STXBP4: variants seen among roughly 807,000 people sequenced by gnomAD.
The protein encoded by STXBP4 is syntaxin-binding protein 4.
In STXBP4, 55 loss-of-function variants were observed where a neutral mutation model predicts 76.1. That is an observed-to-expected ratio of 0.72 (90% confidence interval 0.58 to 0.91). STXBP4 has a LOEUF of 0.91. Ranked by LOEUF, STXBP4 falls within the 40% of genes least tolerant of loss-of-function variation. The pLI, the probability that STXBP4 is intolerant of heterozygous loss-of-function variation, is 0.00. For synonymous variants in STXBP4, 201 were observed against 220.2 expected (o/e 0.91, Z 0.77); for missense variants, 618 against 636.9 (o/e 0.97, Z 0.32).
chr17:54,974,541 T>C (rs930263452), intron 1 of STXBP4, among the ~76,000 whole-genome samples: 3 of 152,240 alleles, frequency 2.0e-5, no homozygotes, highest in African/African-American at 7.2e-5. Context: ...TTAATTCAAG[T>C]AATGTTTATC....
chr17:55,050,912 C>T (rs2078851006), intron 12 of STXBP4, among the ~76,000 whole-genome samples: 1 of 152,142 alleles, frequency 6.6e-6, no homozygotes. Flanking sequence ...AGGTGATCTG[C>T]CTGCCTCAGC....
chr17:55,179,890 C>T, the STXBP4 span, among the ~76,000 whole-genome samples: 25 of 152,052 alleles, frequency 1.6e-4, no homozygotes, highest in Non-Finnish European at 3.1e-4. Flanking sequence ...AGCAGTGTGG[C>T]GAGATTGGCA....
rs1031800116 is a variant in STXBP4 at position 55,159,920 on chromosome 17, C to T, written c.*9C>T. 1.3e-6 allele frequency: 2 copies of T among 1,559,384 alleles called. No homozygotes were observed. The highest frequency in any genetic ancestry group is 2.7e-5 in the African/African-American group (2 of 73,842). ...CCAACCAGAAAAGTTGATGGTTTTC[C>T]TTAGGAAGTGGAGCTACATGGATGA... On this transcript the variant is annotated 3_prime_UTR_variant, in exon 18 of 18. Coordinates refer to ENST00000376352, the MANE Select transcript of STXBP4 (RefSeq NM_178509.6).
At chr17:55,208,819 C>A in the STXBP4 span, among the ~76,000 whole-genome samples, 1 of 152,014 alleles carries the variant, frequency 6.6e-6, no homozygotes, top group Admixed American at 6.6e-5. Context: ...CGGTGACTTA[C>A]GCCTGTAATT....
At chr17:55,091,615 A>G (rs1432657952) in intron 16 of STXBP4, among the ~76,000 whole-genome samples, 7 of 151,768 alleles carry the variant, frequency 4.6e-5, no homozygotes, top group Non-Finnish European at 8.8e-5. Flanking sequence ...AAAACAAAAC[A>G]CCCTCCCAGC....
At position 54,999,348 on chromosome 17, in the gene STXBP4, G is replaced by A. The variant is rs748413913; in HGVS notation, c.184G>A (p.Gly62Ser). ...TAAATGTTACTGTTTTTGTTAGGAT[G>A]GTCGTTTGAAGCCAGGAGATCAACT... The part of the protein sequence containing the change: ...IIPGGDCYKD[G>S]RLKPGDQLVS... The change falls in exon 5 of 18, where the codon GGT becomes AGT. Residue 62 changes from glycine to serine, a missense_variant. Physicochemically the swap from Gly to Ser is moderately conservative, Grantham distance 56 (BLOSUM62 0). Transcript: ENST00000376352. 1 of 1,606,718 alleles carries A rather than the reference G, an allele frequency of 6.2e-7. No homozygotes were observed. The highest frequency in any genetic ancestry group is 2.2e-5 in the East Asian group (1 of 44,686).
intron 8 of STXBP4, among the ~76,000 whole-genome samples, chr17:55,022,908 C>A (rs529619851): frequency 1.3e-5 from 2 of 152,184 alleles, no homozygotes; most frequent in East Asian, 3.9e-4. Context: ...ATTCTGAGTT[C>A]AGTAAAAAGC....
chr17:55,185,727 C>T, the STXBP4 span, among the ~76,000 whole-genome samples: 2 of 152,170 alleles, frequency 1.3e-5, no homozygotes, highest in South Asian at 4.1e-4. Context: ...AAAGCACTTA[C>T]TGTGTGTGCC....
At chr17:55,052,143 G>T (rs544654279) in intron 12 of STXBP4, among the ~76,000 whole-genome samples, 1 of 152,090 alleles carries the variant, frequency 6.6e-6, no homozygotes, top group Non-Finnish European at 1.5e-5. Flanking sequence ...TAAGTGTCCA[G>T]ATACCACTCC....
chr17:55,155,501 A>G (rs1055888230), intron 17 of STXBP4, among the ~76,000 whole-genome samples: 3 of 141,854 alleles, frequency 2.1e-5, no homozygotes, highest in African/African-American at 7.9e-5. Context: ...CTATATGCAT[A>G]CAATTATCAC....
chr17:54,991,913 T>TC (rs1431935041), intron 4 of STXBP4: 2 of 151,984 alleles, frequency 1.3e-5, no homozygotes, highest in African/African-American at 4.8e-5. Flanking sequence ...AAATAAACAG[T>TC]CCTACTACTT....
chr17:55,079,718 A>C (rs1434476600), intron 15 of STXBP4, among the ~76,000 whole-genome samples: 1 of 152,096 alleles, frequency 6.6e-6, no homozygotes, highest in African/African-American at 2.4e-5. Context: ...TTGAGGCTGC[A>C]ATGAGCTGTG....
At chr17:55,059,018 A>G (rs184529459) in intron 12 of STXBP4, among the ~76,000 whole-genome samples, 84 of 152,188 alleles carry the variant, frequency 5.5e-4, no homozygotes, top group Admixed American at 1.2e-3. Flanking sequence ...TTGCAATTGC[A>G]TTGTTCCAGT....
intron 13 of STXBP4, among the ~76,000 whole-genome samples, chr17:55,075,135 A>G (rs2079165678): frequency 6.6e-6 from 1 of 152,018 alleles, no homozygotes; most frequent in African/African-American, 2.4e-5. Context: ...TTTCTCTCCA[A>G]TTGCATCTCC....
At chr17:55,080,866 C>T (rs541890327) in intron 15 of STXBP4, among the ~76,000 whole-genome samples, 184 bp from the exon 16 acceptor site, 42 of 152,064 alleles carry the variant, frequency 2.8e-4, no homozygotes, top group Middle Eastern at 3.4e-3. Flanking sequence ...CTTATTATGT[C>T]GTAAATAATT....
At chr17:54,979,007 T>C (rs1465380222) in intron 1 of STXBP4, among the ~76,000 whole-genome samples, 3 of 152,156 alleles carry the variant, frequency 2.0e-5, no homozygotes, top group African/African-American at 7.2e-5. Context: ...TTTCTGATAT[T>C]TTATAATTAC....
At chr17:55,009,961 G>C (rs903447566) in intron 8 of STXBP4, among the ~76,000 whole-genome samples, 5 of 151,902 alleles carry the variant, frequency 3.3e-5, no homozygotes, top group African/African-American at 1.2e-4. Flanking sequence ...CTACTTTGTA[G>C]ACAGATTCAA....
intron 12 of STXBP4, among the ~76,000 whole-genome samples, chr17:55,050,479 T>A (rs2078846006): frequency 6.6e-6 from 1 of 152,118 alleles, no homozygotes; most frequent in African/African-American, 2.4e-5. Context: ...ATGATGACAT[T>A]CATTGGGGGA....
chr17:55,049,009 A>G (rs1425672710), intron 12 of STXBP4, among the ~76,000 whole-genome samples: 1 of 151,998 alleles, frequency 6.6e-6, no homozygotes, highest in Non-Finnish European at 1.5e-5. Context: ...CCTCCAAGTA[A>G]AAAGATTAAG....
Sources: gnomAD v4.1 joint callset for allele counts (sites outside exome capture counted in the v4.1 genomes callset) on GRCh38, gnomAD v4.1.1 for gene constraint, MANE v1.5 for transcripts, NCBI Gene and HGNC (gene_info 2026-07-23, HGNC 2026-07-21) for gene names.